The following NCALD variants were observed in gnomAD, a reference collection of about 807,000 sequenced individuals.
NCALD encodes the protein neurocalcin-delta.
In NCALD, 10 loss-of-function variants were observed where a neutral mutation model predicts 18.6. The observed-to-expected ratio is 0.54, with a 90% CI of 0.33 to 0.91. The LOEUF (loss-of-function observed/expected upper bound fraction) is 0.91, where lower values mean the gene tolerates loss of function less well. Ranked by LOEUF, NCALD falls within the 40% of genes least tolerant of loss-of-function variation. The pLI is 0.03. For missense variants in NCALD, 184 were observed against 247.6 expected, an observed-to-expected ratio of 0.74 and a Z score of 1.72; for synonymous variants, 88 against 87.4, an observed-to-expected ratio of 1.01 and a Z score of -0.04.
chr8:101,764,792 A>T (rs1213797942), intron 1 of NCALD, among the ~76,000 whole-genome samples: 3 of 152,234 alleles, frequency 2.0e-5, no homozygotes, highest in Non-Finnish European at 4.4e-5. Context: ...GTAGACATTA[A>T]CATCTTTATC....
At position 101,897,562 on chromosome 8, in the gene NCALD, G is replaced by A. The variant is rs545823509; in HGVS notation, c.-106-10335C>T. On this transcript the variant is annotated intron_variant, in intron 3 of 6. Coordinates refer to the NCALD transcript ENST00000311028. Reference sequence around the variant, plus strand: ...CAGTTTGCTTAACCACTCACCTATTGTAGGACATTTTGTTTGTTTCCAGTG... The same window carrying A: ...CAGTTTGCTTAACCACTCACCTATTATAGGACATTTTGTTTGTTTCCAGTG... Among the ~76,000 whole-genome samples, 12 of 152,140 alleles carry A rather than the reference G, an allele frequency of 7.9e-5. No individual in the cohort carries two copies. The South Asian group carries it at 1.5e-3, about 18-fold the overall frequency.
intron 1 of NCALD, among the ~76,000 whole-genome samples, chr8:102,027,836 A>G (rs1822515880): frequency 6.6e-6 from 1 of 152,196 alleles, no homozygotes; most frequent in Admixed American, 6.6e-5. Flanking sequence ...CCTTCTTCGC[A>G]CAGTGGCAGG....
chr8:102,012,917 T>A (rs1006188752), intron 2 of NCALD, among the ~76,000 whole-genome samples: 3 of 152,174 alleles, frequency 2.0e-5, no homozygotes, highest in African/African-American at 7.2e-5. Flanking sequence ...ATAAAGCAAC[T>A]AATATAATAC....
At chr8:101,858,527 G>A (rs1586644427) in intron 4 of NCALD, among the ~76,000 whole-genome samples, 1 of 152,154 alleles carries the variant, frequency 6.6e-6, no homozygotes, top group African/African-American at 2.4e-5. Flanking sequence ...GACTGAACCG[G>A]AGATGTTCTG....
At chr8:102,118,314 T>C (rs1258442801) in intron 1 of NCALD, among the ~76,000 whole-genome samples, 1 of 152,220 alleles carries the variant, frequency 6.6e-6, no homozygotes, top group Non-Finnish European at 1.5e-5. Flanking sequence ...CACCTCATGC[T>C]GTCAGGGCTG....
intron 1 of NCALD, among the ~76,000 whole-genome samples, chr8:102,035,641 C>T (rs1333549274): frequency 6.6e-6 from 1 of 152,120 alleles, no homozygotes; most frequent in East Asian, 1.9e-4. Flanking sequence ...TATTCTTCCA[C>T]ATGTCCATGA....
intron 1 of NCALD, among the ~76,000 whole-genome samples, chr8:101,744,465 G>A (rs1443209881): frequency 7.2e-5 from 11 of 152,226 alleles, no homozygotes; most frequent in Admixed American, 7.2e-4. Context: ...AAGTAACGGA[G>A]AAGTCTCCAT....
intron 2 of NCALD, among the ~76,000 whole-genome samples, chr8:101,998,263 G>A (rs1000716903): frequency 3.9e-5 from 6 of 152,300 alleles, no homozygotes; most frequent in African/African-American, 1.2e-4. Context: ...GGATTTACTC[G>A]TTAATTTAAT....
chr8:102,026,929 C>A (rs1036599271), intron 1 of NCALD, among the ~76,000 whole-genome samples: 3 of 152,240 alleles, frequency 2.0e-5, no homozygotes, highest in Non-Finnish European at 4.4e-5. Context: ...TGAAAGCTGC[C>A]AAGGCCTGGG....
At chr8:101,742,190 A>G (rs1810227142) in intron 1 of NCALD, among the ~76,000 whole-genome samples, 1 of 151,556 alleles carries the variant, frequency 6.6e-6, no homozygotes, top group Non-Finnish European at 1.5e-5. Context: ...GAAGTGGTGC[A>G]CCACTGCACT....
intron 1 of NCALD, among the ~76,000 whole-genome samples, chr8:102,074,660 C>A (rs957205883): frequency 6.6e-6 from 1 of 152,144 alleles, no homozygotes; most frequent in African/African-American, 2.4e-5. Flanking sequence ...GCAGCTCTCA[C>A]GTCGGTTCCA....
chr8:101,900,894 C>T (rs752431883), intron 3 of NCALD, among the ~76,000 whole-genome samples: 6 of 151,842 alleles, frequency 4.0e-5, no homozygotes, highest in Admixed American at 6.6e-5. Context: ...GGTTTTCTGT[C>T]TAGTTGTTCT....
At chr8:102,108,078 C>T (rs1417501532) in intron 1 of NCALD, among the ~76,000 whole-genome samples, 1 of 152,086 alleles carries the variant, frequency 6.6e-6, no homozygotes, top group East Asian at 1.9e-4. Context: ...CAGCAAGGTA[C>T]AGGATGGGGG....
chr8:101,801,613 C>A (rs1812855733), intron 4 of NCALD, among the ~76,000 whole-genome samples: 1 of 134,374 alleles, frequency 7.4e-6, no homozygotes, highest in Non-Finnish European at 1.6e-5. Context: ...TGGGTTAAAG[C>A]CACATCTCTA....
At position 101,688,585 on chromosome 8, in the gene NCALD, T is replaced by TATTTTATCA; in HGVS notation, c.*715_*723dup. 2 of 429,962 alleles carry TATTTTATCA rather than the reference T, an allele frequency of 4.7e-6. No individual in the cohort carries two copies. The highest frequency in any genetic ancestry group is 3.3e-5 in the South Asian group (2 of 60,400). 26.6% of individuals were successfully genotyped at this position (429,962 alleles called of 1,614,324 possible). On this transcript the variant is annotated 3_prime_UTR_variant, in exon 4 of 4. Transcript: ENST00000220931. ...AATATGTTATATACAGCCGTCTTTT[T>TATTTTATCA]ATTTTATCACAATAGGCAACAAGAT... is the stretch of plus-strand genomic sequence containing the variant.
At chr8:102,074,102 C>T (rs114240351) in intron 1 of NCALD, among the ~76,000 whole-genome samples, 12,405 of 152,152 alleles carry the variant, frequency 0.082, 1,332 homozygotes, top group African/African-American at 0.25. Context: ...CATTTACTGA[C>T]GGTACAAGGC....
intron 1 of NCALD, among the ~76,000 whole-genome samples, chr8:101,782,300 G>T (rs564439482): frequency 6.6e-6 from 1 of 152,014 alleles, no homozygotes; most frequent in South Asian, 2.1e-4. Flanking sequence ...AGTTAAAATG[G>T]CTACTCACAC....
chr8:102,075,130 A>G lies in NCALD; in HGVS notation c.-210+49107T>C, dbSNP rs575644839. Among the ~76,000 whole-genome samples, 193 of 152,338 alleles carry G rather than the reference A, an allele frequency of 1.3e-3. 1 individual carries two copies. The highest frequency in any genetic ancestry group is 4.5e-3 in the African/African-American group (186 of 41,576). ...GACACACTGAGAAACTGAATATTTAACGGGGCCTATTGCTCTGAAAAAACT... is the reference window on the plus strand; with the variant it reads ...GACACACTGAGAAACTGAATATTTAGCGGGGCCTATTGCTCTGAAAAAACT... On this transcript the variant is annotated intron_variant, in intron 1 of 6. Transcript: ENST00000311028.
At chr8:102,090,209 T>C (rs1302112506) in intron 1 of NCALD, among the ~76,000 whole-genome samples, 1 of 152,242 alleles carries the variant, frequency 6.6e-6, no homozygotes, top group Non-Finnish European at 1.5e-5. Flanking sequence ...GAAACTCCTA[T>C]AATTCTGATA....
Sources: allele counts gnomAD v4.1 joint callset (sites outside exome capture counted in the v4.1 genomes callset), GRCh38; gene constraint gnomAD v4.1.1; transcripts MANE v1.5; gene names NCBI Gene and HGNC (gene_info 2026-07-23, HGNC 2026-07-21).